Variants in PARN observed in about 807,000 individuals in gnomAD.
The protein encoded by PARN is poly(A)-specific ribonuclease PARN.
PARN carries 71 observed loss-of-function variants against 102.8 expected under a neutral mutation model. That is an observed-to-expected ratio of 0.69 (90% confidence interval 0.57 to 0.84). PARN has a LOEUF of 0.84. Among genes scored for constraint, PARN ranks in the 40% least tolerant of loss-of-function variants. The pLI is 0.00. For missense variants in PARN, 782 were observed against 760.9 expected (o/e 1.03, Z -0.33); for synonymous variants, 261 against 252.9 (o/e 1.03, Z -0.30).
intron 21 of PARN, among the ~76,000 whole-genome samples, chr16:14,530,454 C>T (rs1213316253): frequency 1.3e-5 from 2 of 151,944 alleles, no homozygotes; most frequent in African/African-American, 2.4e-5. Context: ...ACTCTGTTTA[C>T]CATAACCCTC....
At position 14,609,041 on chromosome 16, in the gene PARN, T is replaced by C. The variant is rs754656568; in HGVS notation, c.620+17A>G. The C allele has an allele frequency of 6.7e-7, 1 of 1,483,232 alleles. No individual in the cohort carries two copies. The highest frequency in any genetic ancestry group is 9.3e-7 in the Non-Finnish European group (1 of 1,071,418). The allele number at this position is 1,483,232 out of a possible 1,614,324, so 91.9% of individuals were successfully genotyped here. ...TTTCCAAAAAAAGGACATGCAGAAA[T>C]GTTCAGGACAACTAACCCGGTACAT... On this transcript the variant is annotated intron_variant, in intron 8 of 23. Coordinates refer to ENST00000437198, the MANE Select transcript of PARN (RefSeq NM_002582.4).
At chr16:14,584,698 A>T in intron 15 of PARN, 51 bp downstream of exon 15, 2 of 1,298,402 alleles carry the variant, frequency 1.5e-6, no homozygotes, top group South Asian at 2.6e-5. Flanking sequence ...TCTGGCATTC[A>T]TTTCACTCAG....
At chr16:14,461,599 T>G (rs548128106) in intron 22 of PARN, among the ~76,000 whole-genome samples, 1 of 152,214 alleles carries the variant, frequency 6.6e-6, no homozygotes, top group South Asian at 2.1e-4. Flanking sequence ...CTTTCCTCAT[T>G]TATGCTGATA....
intron 2 of PARN, among the ~76,000 whole-genome samples, chr16:14,628,756 T>C (rs1443992938): frequency 1.3e-5 from 2 of 152,236 alleles, no homozygotes; most frequent in African/African-American, 4.8e-5. Context: ...AAGCCAAGGA[T>C]ACTATTTACC....
chr16:14,557,996 CTAGT>C (rs1255915215), intron 18 of PARN, among the ~76,000 whole-genome samples: 7 of 152,232 alleles, frequency 4.6e-5, no homozygotes, highest in East Asian at 3.9e-4. Context: ...GGTTAGTGAG[CTAGT>C]TAGTTAGATA....
Position 14,446,873 on chromosome 16 carries a change from A to G in PARN, c.1864+15T>C. 1 of 1,594,024 alleles carries G rather than the reference A, an allele frequency of 6.3e-7. No individual in the cohort carries two copies. Among genetic ancestry groups the G allele is most frequent in the Non-Finnish European group, 8.6e-7 (1 of 1,168,236 alleles). On this transcript the variant is annotated intron_variant, in intron 23 of 23. Transcript: ENST00000437198. The stretch of plus-strand genomic sequence containing the variant: ...AGTCCACGGCCCCAGAACTTCGGCA[A>G]GATCCAATACAAACCTGCTGGAGAA...
At chr16:14,581,666 T>C (rs1421974569) in intron 17 of PARN, among the ~76,000 whole-genome samples, 1 of 152,176 alleles carries the variant, frequency 6.6e-6, no homozygotes, top group Non-Finnish European at 1.5e-5. Flanking sequence ...AAGCCTGTAA[T>C]TCCAGCACTT....
At chr16:14,499,229 A>G (rs1964465277) in intron 21 of PARN, among the ~76,000 whole-genome samples, 1 of 152,218 alleles carries the variant, frequency 6.6e-6, no homozygotes, top group Non-Finnish European at 1.5e-5. Context: ...GAACTGGAGC[A>G]GGTTAGGCTG....
At chr16:14,553,865 G>A (rs1252437297) in intron 20 of PARN, among the ~76,000 whole-genome samples, 200 bp downstream of exon 20, 1 of 152,190 alleles carries the variant, frequency 6.6e-6, no homozygotes, top group Non-Finnish European at 1.5e-5. Context: ...GCTCTGTATT[G>A]TGAGGTGCTA....
intron 21 of PARN, among the ~76,000 whole-genome samples, chr16:14,497,085 G>C (rs1171515690): frequency 1.3e-5 from 2 of 152,088 alleles, no homozygotes; most frequent in African/African-American, 4.8e-5. Flanking sequence ...GTTTTAAATT[G>C]CAACAGTATC....
chr16:14,556,815 A>C (rs150260754), intron 18 of PARN, among the ~76,000 whole-genome samples: 178 of 152,276 alleles, frequency 1.2e-3, no homozygotes, highest in Middle Eastern at 3.4e-3. Context: ...ATGAAATGCA[A>C]AGTCACTGGA....
chr16:14,461,023 A>C (rs952809495), intron 22 of PARN, among the ~76,000 whole-genome samples: 1 of 152,252 alleles, frequency 6.6e-6, no homozygotes, highest in Non-Finnish European at 1.5e-5. Context: ...TTCCCTTGAT[A>C]TGAAGTGATG....
intron 21 of PARN, among the ~76,000 whole-genome samples, chr16:14,518,438 A>T (rs879756954): frequency 3.1e-4 from 47 of 149,580 alleles, no homozygotes; most frequent in African/African-American, 8.8e-4. Flanking sequence ...GTTAAAATTT[A>T]AAAAAAAAAA....
At chr16:14,457,942 G>A (rs1349521380) in intron 22 of PARN, among the ~76,000 whole-genome samples, 2 of 151,684 alleles carry the variant, frequency 1.3e-5, no homozygotes, top group East Asian at 3.9e-4. Context: ...GTGTGTGTGT[G>A]TGTGTGAGAG....
chr16:14,550,766 CAT>C (rs991478120), intron 21 of PARN, among the ~76,000 whole-genome samples: 2 of 152,166 alleles, frequency 1.3e-5, no homozygotes, highest in African/African-American at 4.8e-5. Flanking sequence ...AAAAATTTCA[CAT>C]CTTTTACATT....
chr16:14,440,974 T>C (rs866904577), intron 23 of PARN, among the ~76,000 whole-genome samples: 7 of 152,196 alleles, frequency 4.6e-5, no homozygotes, highest in Middle Eastern at 3.2e-3. Flanking sequence ...CATCAAATTG[T>C]ATACCTGAAA....
chr16:14,542,235 C>G, intron 21 of PARN, among the ~76,000 whole-genome samples: 1 of 151,924 alleles, frequency 6.6e-6, no homozygotes. Context: ...CAAACTCCTA[C>G]GCTCCAGTAA....
chr16:14,609,697 T>C (rs1024015916), intron 7 of PARN, among the ~76,000 whole-genome samples: 107 of 152,250 alleles, frequency 7.0e-4, no homozygotes, highest in African/African-American at 2.5e-3. Flanking sequence ...AATTTTTGAC[T>C]TTCCCAGTAA....
intron 12 of PARN, among the ~76,000 whole-genome samples, chr16:14,594,039 C>T (rs1461950014): frequency 6.6e-6 from 1 of 151,840 alleles, no homozygotes; most frequent in Non-Finnish European, 1.5e-5. Flanking sequence ...CTCCCTTAAA[C>T]TGTCAAATAA....
Sources: gnomAD v4.1 joint callset for allele counts (sites outside exome capture counted in the v4.1 genomes callset) on GRCh38, gnomAD v4.1.1 for gene constraint, MANE v1.5 for transcripts, NCBI Gene and HGNC (gene_info 2026-07-23, HGNC 2026-07-21) for gene names.